The following CDH18 variants were observed in gnomAD, a reference collection of about 807,000 sequenced individuals.
The protein encoded by CDH18 is cadherin 18, also known as cadherin-18.
CDH18 carries 31 observed loss-of-function variants against 67.9 expected under a neutral mutation model. That is an observed-to-expected ratio of 0.46 (90% CI 0.34 to 0.62). The LOEUF (loss-of-function observed/expected upper bound fraction) is 0.62, where lower values mean the gene tolerates loss of function less well. Among genes scored for constraint, CDH18 ranks in the 20% least tolerant of loss-of-function variants. The pLI, the probability that CDH18 is intolerant of heterozygous loss-of-function variation, is 0.01. For synonymous variants in CDH18, 362 were observed against 347.2 expected (o/e 1.04, Z -0.48); for missense variants, 890 against 975.5 (o/e 0.91, Z 1.17).
rs1371904487 is a variant in CDH18 at position 19,618,831 on chromosome 5, T to G, written c.644-6230A>C. On this transcript the variant is annotated intron_variant, in intron 5 of 12. Transcript: ENST00000382275. Reference sequence around the variant, plus strand: ...AAGGTTCTCATATTTCATTGGAGGATCTGCTTATGCAAATTAATATGAGTA... The same window carrying G: ...AAGGTTCTCATATTTCATTGGAGGAGCTGCTTATGCAAATTAATATGAGTA... 2.0e-5 allele frequency among the ~76,000 whole-genome samples: 3 copies of G among 152,150 alleles called. No homozygotes were observed. The East Asian group carries it at 5.8e-4, about 29-fold the overall frequency.
At chr5:20,314,996 G>A (rs1737334727) in intron 1 of CDH18, among the ~76,000 whole-genome samples, 1 of 152,060 alleles carries the variant, frequency 6.6e-6, no homozygotes, top group African/African-American at 2.4e-5. Flanking sequence ...AATGTCAGCA[G>A]TGTTTACTAA....
rs527372513 is a variant in CDH18, at chr5:20,078,253, G to A, written c.-517-86239C>T. ...GAGGCAGGCAGATTGCCTGAGGTCA[G>A]GAGTTAGAGACCAGTTGGCCAACAT... On this transcript the variant is annotated intron_variant, in intron 2 of 14. Transcript: ENST00000507958. 7.9e-5 allele frequency among the ~76,000 whole-genome samples: 12 copies of A among 152,230 alleles called. No homozygotes were observed. In the East Asian group the frequency reaches 2.3e-3, roughly 30 times the overall value.
chr5:19,664,757 ATCAGTTGTT>A (rs1757683940), intron 5 of CDH18, among the ~76,000 whole-genome samples: 2 of 151,982 alleles, frequency 1.3e-5, no homozygotes, highest in Non-Finnish European at 2.9e-5. Flanking sequence ...ACTGCATTAA[ATCAGTTGTT>A]ATTCAAAATA....
chr5:20,079,255 A>G (rs1744233207), intron 2 of CDH18, among the ~76,000 whole-genome samples: 1 of 151,954 alleles, frequency 6.6e-6, no homozygotes, highest in Non-Finnish European at 1.5e-5. Flanking sequence ...CCACCATTCT[A>G]CTCAATACTT....
intron 2 of CDH18, among the ~76,000 whole-genome samples, chr5:19,860,345 T>A (rs749084381): frequency 2.0e-5 from 3 of 151,894 alleles, no homozygotes. Flanking sequence ...TCATTCTACA[T>A]CTCCAAATCC....
At chr5:20,423,570 T>C (rs1055127889) in intron 1 of CDH18, among the ~76,000 whole-genome samples, 1 of 150,894 alleles carries the variant, frequency 6.6e-6, no homozygotes, top group Non-Finnish European at 1.5e-5. Context: ...AAAGGAAATA[T>C]AAGTGCTACA....
intron 4 of CDH18, among the ~76,000 whole-genome samples, chr5:19,728,862 T>A (rs1218107704): frequency 6.6e-6 from 1 of 152,116 alleles, no homozygotes; most frequent in Non-Finnish European, 1.5e-5. Flanking sequence ...CCAGGAAACA[T>A]GAAAAAGAAA....
chr5:19,653,214 G>C (rs922533498), intron 5 of CDH18, among the ~76,000 whole-genome samples: 1 of 151,962 alleles, frequency 6.6e-6, no homozygotes, highest in Admixed American at 6.6e-5. Flanking sequence ...TCCTTGCTTA[G>C]GGATTAAAAG....
At chr5:19,501,220 C>CATATATAATTACAATTATAT (rs1442376186) in intron 11 of CDH18, among the ~76,000 whole-genome samples, 1 of 147,218 alleles carries the variant, frequency 6.8e-6, no homozygotes, top group Non-Finnish European at 1.5e-5. Context: ...TATATAATTA[C>CATATATAATTACAATTATAT]ATATATAATT....
chr5:20,339,020 A>G (rs564032158), intron 1 of CDH18, among the ~76,000 whole-genome samples: 9 of 152,282 alleles, frequency 5.9e-5, no homozygotes, highest in African/African-American at 1.9e-4. Flanking sequence ...AGTGAGGGAA[A>G]AAGAAGACAG....
At chr5:20,405,030 A>G (rs1746106133) in intron 1 of CDH18, among the ~76,000 whole-genome samples, 1 of 152,282 alleles carries the variant, frequency 6.6e-6, no homozygotes, top group South Asian at 2.1e-4. Context: ...TTAATTTATT[A>G]AGTTCATCCC....
chr5:20,261,377 T>C (rs1185874527), intron 1 of CDH18, among the ~76,000 whole-genome samples: 1 of 152,162 alleles, frequency 6.6e-6, no homozygotes, highest in African/African-American at 2.4e-5. Flanking sequence ...AGCCTATTTG[T>C]ATGAGTAATT....
intron 3 of CDH18, among the ~76,000 whole-genome samples, chr5:19,781,997 T>C (rs1473727898): frequency 6.6e-6 from 1 of 152,180 alleles, no homozygotes; most frequent in Non-Finnish European, 1.5e-5. Context: ...GGCCAAAAAA[T>C]CTATTTTCAA....
At chr5:20,031,804 T>C (rs1739421869) in intron 2 of CDH18, among the ~76,000 whole-genome samples, 1 of 152,078 alleles carries the variant, frequency 6.6e-6, no homozygotes, top group Non-Finnish European at 1.5e-5. Flanking sequence ...CAGAAGCAAT[T>C]GACACTTAAA....
intron 2 of CDH18, among the ~76,000 whole-genome samples, chr5:20,050,356 A>C (rs1741309187): frequency 6.6e-6 from 1 of 151,890 alleles, no homozygotes; most frequent in South Asian, 2.1e-4. Flanking sequence ...ATTCCAAAGC[A>C]GGAAGGCAGA....
chr5:19,802,331 C>T (rs1197518771), intron 3 of CDH18, among the ~76,000 whole-genome samples: 1 of 152,052 alleles, frequency 6.6e-6, no homozygotes, highest in Non-Finnish European at 1.5e-5. Context: ...GTTTATGAAT[C>T]ATTACTTTTA....
At chr5:20,340,042 T>G (rs558893520) in intron 1 of CDH18, among the ~76,000 whole-genome samples, 287 of 152,270 alleles carry the variant, frequency 1.9e-3, no homozygotes, top group African/African-American at 6.4e-3. Flanking sequence ...AGGAATCTCT[T>G]TCTAATGTGT....
chr5:19,623,982 C>CATTATTATTATTATT lies in CDH18; in HGVS notation c.644-11396_644-11382dup, dbSNP rs70950078. Among the ~76,000 whole-genome samples the CATTATTATTATTATT allele has an allele frequency of 1.9e-4, 27 of 139,822 alleles. 1 individual carries two copies. Among genetic ancestry groups the CATTATTATTATTATT allele is most frequent in the South Asian group, 4.8e-4 (2 of 4,160 alleles). The allele number at this position is 139,822 out of a possible 152,430, so 91.7% of individuals were successfully genotyped here. A position where few individuals can be genotyped will look rare whatever the true frequency, so the allele number is the denominator to read the frequency against. ...ATTTATAATGCATTATGTCACACTC[C>CATTATTATTATTATT]ATTATTATTATTATTATTATTATTA... On this transcript the variant is annotated intron_variant, in intron 5 of 12. Transcript: ENST00000382275.
intron 10 of CDH18, among the ~76,000 whole-genome samples, chr5:19,507,099 T>G (rs925997807): frequency 6.6e-6 from 1 of 152,094 alleles, no homozygotes; most frequent in African/African-American, 2.4e-5. Context: ...GCAAAGGATA[T>G]GAACAGACAC....
Sources: gnomAD v4.1 joint callset for allele counts (sites outside exome capture counted in the v4.1 genomes callset) on GRCh38, gnomAD v4.1.1 for gene constraint, MANE v1.5 for transcripts, NCBI Gene and HGNC (gene_info 2026-07-23, HGNC 2026-07-21) for gene names.